ATG4B: variants seen among roughly 807,000 people sequenced by gnomAD.
The protein encoded by ATG4B is autophagy related 4B cysteine peptidase.
Under a neutral mutation model 56.6 loss-of-function variants are expected in ATG4B, and 29 were observed. The ratio of observed to expected loss-of-function variants is 0.51; its 90% confidence interval spans 0.38 to 0.70. The LOEUF is 0.70. ATG4B is among the 30% of genes least tolerant of loss of function. The pLI is 0.00. For synonymous variants in ATG4B, 224 were observed against 206.1 expected (o/e 1.09, Z -0.74); for missense variants, 461 against 515.5 (o/e 0.89, Z 1.02).
chr2:241,656,422 T>G (rs1321613201), intron 6 of ATG4B, among the ~76,000 whole-genome samples: 1 of 151,956 alleles, frequency 6.6e-6, no homozygotes, highest in Non-Finnish European at 1.5e-5. Flanking sequence ...GAGTCCTCTG[T>G]CCAGCAGCTC....
chr2:241,671,746 G>T, intron 12 of ATG4B: 1 of 1,302,870 alleles, frequency 7.7e-7, no homozygotes, highest in Non-Finnish European at 9.9e-7. Flanking sequence ...GTTCACTTGG[G>T]CACCACTGGC....
intron 12 of ATG4B, 133 bp downstream of exon 12, chr2:241,671,538 G>A (rs762040049): frequency 6.9e-5 from 107 of 1,540,544 alleles, no homozygotes; most frequent in Non-Finnish European, 9.0e-5. Context: ...GCAGTGGTTC[G>A]CCTGTGAGAC....
At position 241,655,281 on chromosome 2, in the gene ATG4B, A is replaced by G. The variant is rs2068362292; in HGVS notation, c.396A>G (p.Gly132=). The G allele has an allele frequency of 6.2e-7, 1 of 1,611,700 alleles. No individual in the cohort carries two copies. Among genetic ancestry groups the G allele is most frequent in the Non-Finnish European group, 8.5e-7 (1 of 1,178,976 alleles). The change falls in exon 6 of 13, where the codon GGA becomes GGG. Residue 132 remains glycine (G), a synonymous_variant. Coordinates refer to ENST00000404914, the MANE Select transcript of ATG4B (RefSeq NM_013325.5). ...ATCTGTTCCCTGCAGCGCAAATGGGAGTTGGCGAAGGCAAGTCCATAGGCC... is the reference window on the plus strand; with the variant it reads ...ATCTGTTCCCTGCAGCGCAAATGGGGGTTGGCGAAGGCAAGTCCATAGGCC... The part of the protein sequence containing the change: ...YYSIHQIAQM[G]VGEGKSIGQW...
Position 241,637,701 on chromosome 2 carries a change from GC to G in ATG4B, c.-12del. 1 of 1,584,314 alleles carries G rather than the reference GC, an allele frequency of 6.3e-7. No homozygotes were observed. The highest frequency in any genetic ancestry group is 8.6e-7 in the Non-Finnish European group (1 of 1,168,006). ...GCGACGCCGCTCGGGTCAGTCGGCG[GC>G]CGGACTGGGAAGATGGACGCAGGTG... On this transcript the variant is annotated 5_prime_UTR_variant, in exon 1 of 13. Coordinates refer to ENST00000404914, the MANE Select transcript of ATG4B (RefSeq NM_013325.5).
chr2:241,673,757 C>T lies in ATG4B; in HGVS notation c.*1493C>T, dbSNP rs761246732. ...CCTTGACCAAAGGGGAGCTTTGTCT[C>T]GTGTGTTTTGAAAAAGGCTTAATGA... On this transcript the variant is annotated 3_prime_UTR_variant, in exon 13 of 13. Transcript: ENST00000404914. 48 of 454,652 alleles carry T rather than the reference C, an allele frequency of 1.1e-4. No individual in the cohort carries two copies. The highest frequency in any genetic ancestry group is 1.9e-4 in the Non-Finnish European group (42 of 226,942). 28.2% of individuals were successfully genotyped at this position (454,652 alleles called of 1,614,324 possible).
chr2:241,651,473 C>G lies in ATG4B; in HGVS notation c.184+138C>G. The G allele has an allele frequency of 1.4e-6, 1 of 730,692 alleles. No individual in the cohort carries two copies. Among genetic ancestry groups the G allele is most frequent in the Non-Finnish European group, 2.3e-6 (1 of 444,090 alleles). 45.3% of individuals were successfully genotyped at this position (730,692 alleles called of 1,614,324 possible). ...AGCAATCCTGCTTAACTGAATTGGC[C>G]GAGGCCTCACGTGTAGTAGTGGCAA... is the stretch of plus-strand genomic sequence containing the variant. On this transcript the variant is annotated intron_variant, in intron 3 of 12. Coordinates refer to ENST00000404914, the MANE Select transcript of ATG4B (RefSeq NM_013325.5). The surrounding 1 kb of genome is among the most constrained non-coding windows in gnomAD (Gnocchi z 4.1).
At chr2:241,662,553 C>T (rs528717551) in intron 7 of ATG4B, among the ~76,000 whole-genome samples, 18 of 152,344 alleles carry the variant, frequency 1.2e-4, no homozygotes, top group African/African-American at 3.8e-4. Context: ...GTAGGTCACA[C>T]ACTCAGTGCT....
chr2:241,665,474 G>A (rs1403573789), intron 7 of ATG4B, among the ~76,000 whole-genome samples: 1 of 152,232 alleles, frequency 6.6e-6, no homozygotes, highest in Non-Finnish European at 1.5e-5. Flanking sequence ...AATTGAGAAG[G>A]TTCTGCCTCT....
At chr2:241,654,258 T>A (rs1381172530) in intron 4 of ATG4B, among the ~76,000 whole-genome samples, 1 of 151,132 alleles carries the variant, frequency 6.6e-6, no homozygotes, top group Non-Finnish European at 1.5e-5. Flanking sequence ...CCATCTCTAC[T>A]AAAAACACAA....
chr2:241,670,742 C>A lies in ATG4B; in HGVS notation c.974C>A (p.Thr325Asn). 2 of 1,611,166 alleles carry A rather than the reference C, an allele frequency of 1.2e-6. No individual in the cohort carries two copies. Among genetic ancestry groups the A allele is most frequent in the Non-Finnish European group, 1.7e-6 (2 of 1,178,626 alleles). Reference sequence around the variant, plus strand: ...TCGTTTTAGGGGTTTTTCTGTAAGACTGAAGATGACTTCAATGATTGGTGC... The same window carrying A: ...TCGTTTTAGGGGTTTTTCTGTAAGAATGAAGATGACTTCAATGATTGGTGC... ...PSIAVGFFCK[T>N]EDDFNDWCQQ... Residue 325 changes from threonine (T) to asparagine (N), a missense_variant, in exon 11 of 13, where the codon ACT (threonine) becomes AAT (asparagine). Coordinates refer to ENST00000404914, the MANE Select transcript of ATG4B (RefSeq NM_013325.5).
chr2:241,661,804 C>A (rs2068602376), intron 7 of ATG4B, among the ~76,000 whole-genome samples: 1 of 152,098 alleles, frequency 6.6e-6, no homozygotes, highest in African/African-American at 2.4e-5. Flanking sequence ...CCAGCCAGGA[C>A]ATCCTTAGCA....
Position 241,642,872 on chromosome 2 carries a change from C to CT in ATG4B, c.10+5174dup, listed in dbSNP as rs1165718825. On this transcript the variant is annotated intron_variant, in intron 1 of 12. Coordinates refer to ENST00000404914, the MANE Select transcript of ATG4B (RefSeq NM_013325.5). The stretch of plus-strand genomic sequence containing the variant: ...TTAAGGTGTACAGCACCTCTCCGTC[C>CT]TTTTTTTTTTTTTTTTTTTTTTTTT... Among the ~76,000 whole-genome samples the CT allele has an allele frequency of 8.4e-4, 88 of 104,282 alleles. 1 individual carries two copies. Among genetic ancestry groups the CT allele is most frequent in the Admixed American group, 1.3e-3 (12 of 8,974 alleles). The allele number at this position is 104,282 out of a possible 152,430, so 68.4% of individuals were successfully genotyped here.
chr2:241,642,394 A>T (rs912822765), intron 1 of ATG4B, among the ~76,000 whole-genome samples: 10 of 152,024 alleles, frequency 6.6e-5, no homozygotes, highest in South Asian at 6.2e-4. Flanking sequence ...TTGGAGATTT[A>T]AAAAAAAGTA....
At chr2:241,665,528 G>C (rs2068735737) in intron 7 of ATG4B, among the ~76,000 whole-genome samples, 2 of 152,200 alleles carry the variant, frequency 1.3e-5, no homozygotes, top group Non-Finnish European at 2.9e-5. Context: ...GACGAGTTCA[G>C]GTCAGCTGAC....
chr2:241,658,253 C>T (rs1165259543), intron 6 of ATG4B, among the ~76,000 whole-genome samples: 1 of 150,848 alleles, frequency 6.6e-6, no homozygotes, highest in African/African-American at 2.4e-5. Context: ...GGGAAGCAGG[C>T]TGTCCTCCCA....
intron 7 of ATG4B, among the ~76,000 whole-genome samples, chr2:241,665,046 G>C (rs900439886): frequency 6.6e-6 from 1 of 152,192 alleles, no homozygotes; most frequent in South Asian, 2.1e-4. Flanking sequence ...CTTAAGTGCA[G>C]GTGTTTGAGG....
At chr2:241,652,342 C>G (rs1319700960) in intron 3 of ATG4B, among the ~76,000 whole-genome samples, 2 of 152,240 alleles carry the variant, frequency 1.3e-5, no homozygotes, top group Admixed American at 6.5e-5. Flanking sequence ...ATCTCCTTCA[C>G]AGCTACCCTG....
At chr2:241,667,596 T>TC (rs561438645) in intron 8 of ATG4B, among the ~76,000 whole-genome samples, 1 of 146,040 alleles carries the variant, frequency 6.8e-6, no homozygotes, top group South Asian at 2.2e-4. Flanking sequence ...AGAGTGAGAC[T>TC]CCATCTCAAA....
At chr2:241,669,800 C>CG (rs2068901603) in intron 10 of ATG4B, among the ~76,000 whole-genome samples, 1 of 152,256 alleles carries the variant, frequency 6.6e-6, no homozygotes, top group African/African-American at 2.4e-5. Flanking sequence ...AGCCACTGCG[C>CG]GCAGCCTGGC....
Sources: allele counts gnomAD v4.1 joint callset (sites outside exome capture counted in the v4.1 genomes callset), GRCh38; gene constraint gnomAD v4.1.1; non-coding constraint Gnocchi (gnomAD v3.1); transcripts MANE v1.5; gene names NCBI Gene and HGNC (gene_info 2026-07-23, HGNC 2026-07-21).